ANGEL2: variants seen among roughly 807,000 people sequenced by gnomAD.
ANGEL2 encodes angel homolog 2.
In ANGEL2, 41 loss-of-function variants were observed where a neutral mutation model predicts 66.0. That is an observed-to-expected ratio of 0.62 (90% confidence interval 0.48 to 0.81). The LOEUF (loss-of-function observed/expected upper bound fraction) is 0.81, where lower values mean the gene tolerates loss of function less well. Ranked by LOEUF, ANGEL2 falls within the 30% of genes least tolerant of loss-of-function variation. The pLI is 0.00. For synonymous variants in ANGEL2, 208 were observed against 226.5 expected (o/e 0.92, Z 0.73); for missense variants, 561 against 641.6 (o/e 0.87, Z 1.36).
In ANGEL2 at chr1:213,005,052, T is replaced by C. The variant is rs2076283701; in HGVS notation, c.1115A>G (p.Glu372Gly). 6.4e-7 allele frequency: 1 copy of C among 1,571,368 alleles called. No homozygotes were observed. Among genetic ancestry groups the C allele is most frequent in the Non-Finnish European group, 8.6e-7 (1 of 1,163,272 alleles). The change falls in exon 5 of 9, where the codon GAA becomes GGA. Residue 372 changes from glutamate to glycine, a missense_variant. Physicochemically the swap from Glu to Gly is moderately conservative, Grantham distance 98. Coordinates refer to ENST00000366962, the MANE Select transcript of ANGEL2 (RefSeq NM_144567.5). ...ACTTACCTTTCCTATGGGAAGTCCT[T>C]CATAATTCAATTTTCCTTCCTTTAT... ...SFIKEGKLNY[E>G]GLPIGKVSGQ...
intron 1 of ANGEL2, chr1:213,015,025 G>T: frequency 2.6e-6 from 2 of 760,034 alleles, no homozygotes; most frequent in Non-Finnish European, 3.2e-6. Flanking sequence ...CTACTGAAGT[G>T]CTTTTTAAAA....
chr1:213,013,649 C>T (rs1212231475), intron 1 of ANGEL2, among the ~76,000 whole-genome samples: 2 of 152,138 alleles, frequency 1.3e-5, no homozygotes, highest in African/African-American at 2.4e-5. Flanking sequence ...CACAGAATGC[C>T]TCCCAGGCTC....
chr1:213,004,248 T>A (rs1336160609), intron 5 of ANGEL2, among the ~76,000 whole-genome samples: 2 of 151,990 alleles, frequency 1.3e-5, no homozygotes, highest in Non-Finnish European at 2.9e-5. Context: ...ACTCCAGTGT[T>A]GGAGAGCTTA....
intron 5 of ANGEL2, among the ~76,000 whole-genome samples, chr1:213,004,413 C>T (rs569890234): frequency 3.3e-5 from 5 of 151,690 alleles, no homozygotes; most frequent in African/African-American, 1.2e-4. Flanking sequence ...ATTTTGCCCA[C>T]AACCAGCATT....
At position 212,992,351 on chromosome 1, in the gene ANGEL2, A is replaced by C. The variant is rs2075880660; in HGVS notation, c.*2690T>G. The C allele has an allele frequency of 6.6e-6, 1 of 152,252 alleles. No homozygotes were observed. The highest frequency in any genetic ancestry group is 2.4e-5 in the African/African-American group (1 of 41,478). The allele number at this position is 152,252 out of a possible 1,614,324, so 9.4% of individuals were successfully genotyped here. A position where few individuals can be genotyped will look rare whatever the true frequency, so the allele number is the denominator to read the frequency against. On this transcript the variant is annotated 3_prime_UTR_variant, in exon 9 of 9. Transcript: ENST00000366962. ...AAATAAAGACAAGATTTCAAACATG[A>C]ATATTATCTTGATAGCAAAAGGTAC...
chr1:213,008,393 A>G lies in ANGEL2; in HGVS notation c.459T>C (p.Asn153=), dbSNP rs757356868. 3 of 1,614,108 alleles carry G rather than the reference A, an allele frequency of 1.9e-6. No homozygotes were observed. The East Asian group carries it at 6.7e-5, about 36-fold the overall frequency. ...KEKTKILGDK[N]VDPKCEDSEN... ...CACTGTCTTCACATTTGGGATCAACATTTTTGTCTCCTAGGATCTTCGTTT... is the reference window on the plus strand; with the variant it reads ...CACTGTCTTCACATTTGGGATCAACGTTTTTGTCTCCTAGGATCTTCGTTT... The change falls in exon 3 of 9, where the codon AAT becomes AAC. Residue 153 remains asparagine (N), a synonymous_variant. Coordinates refer to ENST00000366962, the MANE Select transcript of ANGEL2 (RefSeq NM_144567.5).
intron 8 of ANGEL2, among the ~76,000 whole-genome samples, chr1:212,996,746 A>C (rs993081396): frequency 6.7e-6 from 1 of 149,248 alleles, no homozygotes. Context: ...CAGTGTAACT[A>C]TGGTCCTCCA....
chr1:213,008,979 A>C (rs1249299463), intron 2 of ANGEL2, among the ~76,000 whole-genome samples: 1 of 152,278 alleles, frequency 6.6e-6, no homozygotes, highest in African/African-American at 2.4e-5. Context: ...AAAGAAGTGT[A>C]TATAATGGCA....
chr1:213,005,066 T>C lies in ANGEL2; in HGVS notation c.1101A>G (p.Gly367=). ...TGGGAAGTCCTTCATAATTCAATTT[T>C]CCTTCCTTTATGAAACTATATAGTG... ...GSPLYSFIKE[G]KLNYEGLPIG... The change falls in exon 5 of 9, where the codon GGA becomes GGG. Residue 367 remains glycine (G), a synonymous_variant. Coordinates refer to ENST00000366962, the MANE Select transcript of ANGEL2 (RefSeq NM_144567.5). 1.3e-6 allele frequency: 2 copies of C among 1,581,310 alleles called. No homozygotes were observed. The highest frequency in any genetic ancestry group is 1.7e-6 in the Non-Finnish European group (2 of 1,167,414).
At chr1:213,015,405 G>C in intron 1 of ANGEL2, 4 of 1,424,590 alleles carry the variant, frequency 2.8e-6, no homozygotes, top group Non-Finnish European at 3.7e-6. Context: ...GACCTCGTTG[G>C]CCCAGCGTCC....
Position 213,015,758 on chromosome 1 carries a change from A to C in ANGEL2, c.-87T>G, listed in dbSNP as rs2076630599. ...ATGCGACGGCCTAAAGTATCTAGGG[A>C]ACCCCATCACTCTTAAGTACCGACT... On this transcript the variant is annotated 5_prime_UTR_variant, in exon 1 of 9. Coordinates refer to ENST00000366962, the MANE Select transcript of ANGEL2 (RefSeq NM_144567.5). 2 of 1,583,114 alleles carry C rather than the reference A, an allele frequency of 1.3e-6. No individual in the cohort carries two copies. The highest frequency in any genetic ancestry group is 1.3e-5 in the African/African-American group (1 of 74,390).
chr1:213,002,596 C>G (rs974157049), intron 5 of ANGEL2, among the ~76,000 whole-genome samples: 1 of 152,202 alleles, frequency 6.6e-6, no homozygotes, highest in African/African-American at 2.4e-5. Context: ...ATGGCATCTT[C>G]TTGCAATATA....
chr1:212,994,234 T>C lies in ANGEL2; in HGVS notation c.*807A>G, dbSNP rs920405027. On this transcript the variant is annotated 3_prime_UTR_variant, in exon 9 of 9. Transcript: ENST00000366962. ...AGGCAGGGGTTGCAGTGAGCAAAGA[T>C]TGCGCCATTGCACCCCCAGCCTGGG... 1.3e-5 allele frequency: 2 copies of C among 152,078 alleles called. No individual in the cohort carries two copies. Among genetic ancestry groups the C allele is most frequent in the African/African-American group, 2.4e-5 (1 of 41,394 alleles). The allele number at this position is 152,078 out of a possible 1,614,324, so 9.4% of individuals were successfully genotyped here. A position where few individuals can be genotyped will look rare whatever the true frequency, so the allele number is the denominator to read the frequency against.
At chr1:213,010,466 G>A (rs2076474754) in intron 2 of ANGEL2, among the ~76,000 whole-genome samples, 1 of 151,978 alleles carries the variant, frequency 6.6e-6, no homozygotes, top group Non-Finnish European at 1.5e-5. Flanking sequence ...CAGCTACTCG[G>A]GAGGCTGAGA....
Position 212,995,065 on chromosome 1 carries a change from C to A in ANGEL2, c.1611G>T (p.Leu537Phe). 6.2e-7 allele frequency: 1 copy of A among 1,608,618 alleles called. No individual in the cohort carries two copies. The highest frequency in any genetic ancestry group is 8.5e-7 in the Non-Finnish European group (1 of 1,177,342). ...ENNSSDHLPL[L>F]AKFRLEL The stretch of plus-strand genomic sequence containing the variant: ...GTCAGAGCTCAAGTCTGAACTTTGC[C>A]AATAAAGGCAGATGATCTGAAGAGT... The change falls in exon 9 of 9, where the codon TTG (leucine) becomes TTT (phenylalanine). Residue 537 changes from leucine (L) to phenylalanine (F), a missense_variant. Transcript: ENST00000366962.
In ANGEL2 at chr1:212,997,266, A is replaced by G; in HGVS notation, c.1372T>C (p.Tyr458His). Residue 458 changes from tyrosine to histidine, a missense_variant, in exon 8 of 9, where the codon TAC (tyrosine) becomes CAC (histidine). Coordinates refer to ENST00000366962, the MANE Select transcript of ANGEL2 (RefSeq NM_144567.5). ...TCTGGAATTCCAGTGTCAGGAAAGT[A>G]ATGTGAATAAACAGATGACAAACTG... ...HFSLSSVYSH[Y>H]FPDTGIPEVT... The G allele has an allele frequency of 6.2e-7, 1 of 1,613,608 alleles. No homozygotes were observed. The highest frequency in any genetic ancestry group is 8.5e-7 in the Non-Finnish European group (1 of 1,179,526).
chr1:213,005,275 A>G lies in ANGEL2; in HGVS notation c.892T>C (p.Tyr298His), dbSNP rs759608394. 2 of 1,614,140 alleles carry G rather than the reference A, an allele frequency of 1.2e-6. No homozygotes were observed. Among genetic ancestry groups the G allele is most frequent in the Non-Finnish European group, 8.5e-7 (1 of 1,180,060 alleles). Residue 298 changes from tyrosine (Y) to histidine (H), a missense_variant, in exon 5 of 9, where the codon TAT (tyrosine) becomes CAT (histidine). Physicochemically the swap from Tyr to His is moderately conservative, Grantham distance 83. Coordinates refer to ENST00000366962, the MANE Select transcript of ANGEL2 (RefSeq NM_144567.5). ...ACGCAGATTGCAGGGCAGGCAGCAT[A>G]TGGAATTTTGGGCTGTAAGAGTAAA... ...LVLLLQPKIP[Y>H]AACPAICVAN...
At chr1:213,015,579 T>G in intron 1 of ANGEL2, 34 bp downstream of exon 1, 1 of 1,046,002 alleles carries the variant, frequency 9.6e-7, no homozygotes, top group Non-Finnish European at 1.2e-6. Context: ...CGCCCGCCCC[T>G]CTCTCCTCCC....
At chr1:213,006,992 G>T in intron 4 of ANGEL2, 137 bp downstream of exon 4, 1 of 719,330 alleles carries the variant, frequency 1.4e-6, no homozygotes, top group Non-Finnish European at 2.2e-6. Flanking sequence ...TACTCAGGAA[G>T]CCGAAATGAG....
Sources: gnomAD v4.1 joint callset for allele counts (sites outside exome capture counted in the v4.1 genomes callset) on GRCh38, gnomAD v4.1.1 for gene constraint, MANE v1.5 for transcripts, NCBI Gene and HGNC (gene_info 2026-07-23, HGNC 2026-07-21) for gene names.